The following PCDH15 variants were observed in gnomAD, a reference collection of about 807,000 sequenced individuals.
PCDH15 encodes the protein protocadherin related 15.
PCDH15 carries 129 observed loss-of-function variants against 178.5 expected under a neutral mutation model. That is an observed-to-expected ratio of 0.72 (90% CI 0.63 to 0.84). PCDH15 has a LOEUF of 0.84. PCDH15 is among the 40% of genes least tolerant of loss of function. The pLI, the probability that PCDH15 is intolerant of heterozygous loss-of-function variation, is 0.00. For synonymous variants in PCDH15, 800 were observed against 732.0 expected, an observed-to-expected ratio of 1.09 and a Z score of -1.50; for missense variants, 2,230 against 2,099.9, an observed-to-expected ratio of 1.06 and a Z score of -1.21.
intron 2 of PCDH15, among the ~76,000 whole-genome samples, chr10:54,910,012 CG>C (rs1954792023): frequency 6.6e-6 from 1 of 152,098 alleles, no homozygotes; most frequent in Non-Finnish European, 1.5e-5. Context: ...CAAAATACAG[CG>C]GGGAGCAAAG....
At chr10:54,458,827 A>G (rs1235830045) in intron 3 of PCDH15, among the ~76,000 whole-genome samples, 1 of 152,114 alleles carries the variant, frequency 6.6e-6, no homozygotes, top group Non-Finnish European at 1.5e-5. Flanking sequence ...TAGCTGTCTG[A>G]CCTTGAGCAA....
intron 2 of PCDH15, among the ~76,000 whole-genome samples, chr10:54,607,258 T>C (rs1004909271): frequency 6.6e-6 from 1 of 152,112 alleles, no homozygotes; most frequent in Non-Finnish European, 1.5e-5. Context: ...AAAAGATAAT[T>C]ATAAGATTTA....
At chr10:55,332,170 T>C (rs1844219560) in intron 2 of PCDH15, among the ~76,000 whole-genome samples, 1 of 152,278 alleles carries the variant, frequency 6.6e-6, no homozygotes, top group East Asian at 1.9e-4. Context: ...AAATTAAACA[T>C]TGAGATATTT....
At chr10:55,135,574 C>CTTTTTTTTTTTTTTTTTTTT in intron 2 of PCDH15, among the ~76,000 whole-genome samples, 1 of 68,220 alleles carries the variant, frequency 1.5e-5, no homozygotes, top group Non-Finnish European at 2.7e-5. Context: ...TCTTTTCTTT[C>CTTTTTTTTTTTTTTTTTTTT]TTTTTTTTTT....
intron 2 of PCDH15, among the ~76,000 whole-genome samples, chr10:54,899,983 T>G (rs1369597212): frequency 6.6e-6 from 1 of 152,106 alleles, no homozygotes; most frequent in East Asian, 1.9e-4. Context: ...TTCTCAATTG[T>G]AACAATTAGT....
At chr10:54,108,598 T>C (rs935774158) in intron 15 of PCDH15, among the ~76,000 whole-genome samples, 2 of 152,246 alleles carry the variant, frequency 1.3e-5, no homozygotes, top group East Asian at 3.9e-4. Flanking sequence ...GTACTAGTGC[T>C]GAGCTGGGCT....
chr10:54,881,521 A>G (rs777108571), intron 3 of PCDH15, among the ~76,000 whole-genome samples: 2 of 152,084 alleles, frequency 1.3e-5, no homozygotes, highest in African/African-American at 2.4e-5. Flanking sequence ...TCATGATTTA[A>G]CAAAAAGACC....
chr10:54,521,917 A>G (rs2082910612), intron 3 of PCDH15, among the ~76,000 whole-genome samples: 1 of 151,886 alleles, frequency 6.6e-6, no homozygotes, highest in African/African-American at 2.4e-5. Context: ...GTGGAACCCC[A>G]TCTCTACTAA....
intron 7 of PCDH15, among the ~76,000 whole-genome samples, chr10:54,322,842 C>T (rs1475838384): frequency 1.3e-5 from 2 of 151,716 alleles, no homozygotes; most frequent in Non-Finnish European, 2.9e-5. Context: ...AAAGCAATTG[C>T]AACAAAAACA....
intron 3 of PCDH15, among the ~76,000 whole-genome samples, chr10:54,388,686 T>C (rs1950198237): frequency 6.6e-6 from 1 of 152,172 alleles, no homozygotes; most frequent in Admixed American, 6.6e-5. Flanking sequence ...TTTGCTATGA[T>C]CCTTCACCTT....
chr10:55,386,099 C>T (rs969168114), intron 2 of PCDH15, among the ~76,000 whole-genome samples: 1 of 151,750 alleles, frequency 6.6e-6, no homozygotes, highest in Non-Finnish European at 1.5e-5. Context: ...CTGTATATTT[C>T]TCATTATTAA....
chr10:54,232,048 A>T (rs960786023), intron 9 of PCDH15, among the ~76,000 whole-genome samples: 1 of 151,674 alleles, frequency 6.6e-6, no homozygotes, highest in African/African-American at 2.4e-5. Context: ...TGAGAATGAC[A>T]TGAGATTTCA....
At chr10:54,049,914 C>T (rs1590119073) in intron 18 of PCDH15, among the ~76,000 whole-genome samples, 1 of 152,228 alleles carries the variant, frequency 6.6e-6, no homozygotes, top group Non-Finnish European at 1.5e-5. Context: ...CCATGGTGCC[C>T]AGCTTTGTCA....
chr10:54,421,173 TAAAAC>T (rs972692531), intron 3 of PCDH15, among the ~76,000 whole-genome samples: 1 of 152,054 alleles, frequency 6.6e-6, no homozygotes, highest in Non-Finnish European at 1.5e-5. Flanking sequence ...ATATTACATC[TAAAAC>T]AAAACAAAAT....
chr10:54,579,393 A>C (rs1334622654), intron 2 of PCDH15, among the ~76,000 whole-genome samples: 1 of 152,152 alleles, frequency 6.6e-6, no homozygotes, highest in Non-Finnish European at 1.5e-5. Flanking sequence ...AAGGATAAAG[A>C]ATGTCATTAA....
At chr10:55,590,207 A>G (rs1233259466) in intron 2 of PCDH15, among the ~76,000 whole-genome samples, 1 of 151,492 alleles carries the variant, frequency 6.6e-6, no homozygotes, top group Non-Finnish European at 1.5e-5. Flanking sequence ...GTAAACTATC[A>G]CAAGGACAAA....
intron 2 of PCDH15, among the ~76,000 whole-genome samples, chr10:55,515,730 A>T (rs974977584): frequency 1.3e-5 from 2 of 152,122 alleles, no homozygotes; most frequent in African/African-American, 2.4e-5. Flanking sequence ...CCTTAAAAAA[A>T]AGTCATCATG....
intron 1 of PCDH15, among the ~76,000 whole-genome samples, chr10:54,704,297 G>A (rs974241211): frequency 1.3e-5 from 2 of 151,982 alleles, no homozygotes; most frequent in African/African-American, 4.8e-5. Context: ...AAACTATCAA[G>A]TGTAAACAGA....
intron 2 of PCDH15, among the ~76,000 whole-genome samples, chr10:54,598,183 A>G (rs1247709030): frequency 1.3e-5 from 2 of 152,142 alleles, no homozygotes; most frequent in Admixed American, 6.6e-5. Flanking sequence ...AACAAAAAAG[A>G]GAACTTTAGG....
Sources: gnomAD v4.1 joint callset for allele counts (sites outside exome capture counted in the v4.1 genomes callset) on GRCh38, gnomAD v4.1.1 for gene constraint, MANE v1.5 for transcripts, NCBI Gene and HGNC (gene_info 2026-07-23, HGNC 2026-07-21) for gene names.